Variants in PTPDC1 observed in about 807,000 individuals in gnomAD.
PTPDC1 encodes the protein protein tyrosine phosphatase domain-containing protein 1.
A neutral mutation model predicts 75.3 loss-of-function variants in PTPDC1; 53 were observed. The ratio of observed to expected loss-of-function variants is 0.70; its 90% CI spans 0.56 to 0.88. The LOEUF (loss-of-function observed/expected upper bound fraction) is 0.88. PTPDC1 is among the 40% of genes least tolerant of loss of function. PTPDC1 has a pLI of 0.00. For missense variants in PTPDC1, 925 were observed against 998.6 expected (o/e 0.93, Z 0.99); for synonymous variants, 349 against 366.2 (o/e 0.95, Z 0.54).
chr9:94,038,310 T>G, intron 1 of PTPDC1: 1 of 693,818 alleles, frequency 1.4e-6, no homozygotes, highest in Non-Finnish European at 2.6e-6. Flanking sequence ...GAAAGAAAAA[T>G]GATAGCTTAT....
At chr9:94,080,831 G>A (rs1826852072), upstream of PTPDC1, among the ~76,000 whole-genome samples, 1 of 152,136 alleles carries the variant, frequency 6.6e-6, no homozygotes, top group African/African-American at 2.4e-5. Context: ...GAGGAATAGA[G>A]GGCAAGTAGT....
intron 1 of PTPDC1, among the ~76,000 whole-genome samples, chr9:94,033,715 TATG>T (rs1410355821): frequency 6.6e-6 from 1 of 152,234 alleles, no homozygotes; most frequent in African/African-American, 2.4e-5. Flanking sequence ...AGAGCAAATT[TATG>T]AGTTCCTATC....
chr9:94,035,877 G>A (rs1825247685), intron 1 of PTPDC1, among the ~76,000 whole-genome samples: 1 of 152,080 alleles, frequency 6.6e-6, no homozygotes, highest in Admixed American at 6.6e-5. Context: ...TAACAGGTGT[G>A]AGGTGATATC....
At chr9:94,081,099 C>T (rs530209574), upstream of PTPDC1, among the ~76,000 whole-genome samples, 1 of 148,164 alleles carries the variant, frequency 6.7e-6, no homozygotes, top group African/African-American at 2.5e-5. Context: ...AAGCAATTCT[C>T]CTGCCTCAGC....
intron 6 of PTPDC1, 56 bp from the exon 7 acceptor site, chr9:94,101,510 C>T (rs1215523475): frequency 7.3e-7 from 1 of 1,375,000 alleles, no homozygotes; most frequent in Non-Finnish European, 1.0e-6. Context: ...GGTGCACCTC[C>T]CTCTCCTCTC....
intron 8 of PTPDC1, among the ~76,000 whole-genome samples, chr9:94,106,340 C>T (rs530333012): frequency 5.3e-5 from 8 of 152,306 alleles, no homozygotes; most frequent in African/African-American, 1.7e-4. Flanking sequence ...AGAAGGCACA[C>T]GTTCTGACTT....
intron 1 of PTPDC1, among the ~76,000 whole-genome samples, chr9:94,039,503 C>T (rs1825368511): frequency 6.6e-6 from 1 of 151,952 alleles, no homozygotes; most frequent in Admixed American, 6.6e-5. Flanking sequence ...TAGAAAATAC[C>T]AATAAGGGTC....
chr9:94,088,022 G>A, intron 3 of PTPDC1, 111 bp downstream of exon 3: 1 of 1,432,210 alleles, frequency 7.0e-7, no homozygotes, highest in African/African-American at 1.4e-5. Flanking sequence ...GCAGTGAAGA[G>A]TGTATTTCAA....
chr9:94,046,504 A>C (rs926237609), intron 1 of PTPDC1, among the ~76,000 whole-genome samples: 2 of 152,008 alleles, frequency 1.3e-5, no homozygotes, highest in Non-Finnish European at 2.9e-5. Context: ...ATTTGTTTGT[A>C]TCCTCTTTTA....
intron 1 of PTPDC1, among the ~76,000 whole-genome samples, chr9:94,034,231 C>T (rs1164323650): frequency 6.6e-6 from 1 of 152,046 alleles, no homozygotes; most frequent in Non-Finnish European, 1.5e-5. Context: ...TAGGCTGTGT[C>T]AGAAAATGGG....
intron 4 of PTPDC1, among the ~76,000 whole-genome samples, chr9:94,094,080 T>C (rs1021115787): frequency 6.6e-6 from 1 of 152,242 alleles, no homozygotes; most frequent in African/African-American, 2.4e-5. Flanking sequence ...TTCTCTCAGC[T>C]TGTCAAAGTC....
At chr9:94,095,530 T>C in intron 5 of PTPDC1, 76 bp downstream of exon 5, 1 of 1,216,314 alleles carries the variant, frequency 8.2e-7, no homozygotes, top group South Asian at 1.4e-5. Flanking sequence ...AATTTGAGGG[T>C]AAATGTTTCT....
At chr9:94,046,614 A>C (rs1338153002) in intron 1 of PTPDC1, among the ~76,000 whole-genome samples, 5 of 152,138 alleles carry the variant, frequency 3.3e-5, no homozygotes, top group African/African-American at 1.2e-4. Flanking sequence ...GCAGTTGTGA[A>C]TGGGAGTTCA....
At chr9:94,076,012 T>TG (rs1826673091) in intron 2 of PTPDC1, among the ~76,000 whole-genome samples, 1 of 152,120 alleles carries the variant, frequency 6.6e-6, no homozygotes, top group Admixed American at 6.6e-5. Flanking sequence ...TTTGTTTGTT[T>TG]TTTTGAGACG....
At chr9:94,045,354 T>C (rs57992049) in intron 1 of PTPDC1, among the ~76,000 whole-genome samples, 5,935 of 152,240 alleles carry the variant, frequency 0.039, 367 homozygotes, top group African/African-American at 0.13. Flanking sequence ...TTTGGATATA[T>C]ACCCAGTAAT....
At chr9:94,035,586 A>G (rs947834709) in intron 1 of PTPDC1, among the ~76,000 whole-genome samples, 6 of 152,210 alleles carry the variant, frequency 3.9e-5, no homozygotes, top group Non-Finnish European at 8.8e-5. Flanking sequence ...ATCTGTTGAT[A>G]GACACTTAGT....
intron 2 of PTPDC1, among the ~76,000 whole-genome samples, chr9:94,072,082 A>G (rs1379075113): frequency 6.6e-6 from 1 of 152,152 alleles, no homozygotes; most frequent in African/African-American, 2.4e-5. Flanking sequence ...AACTCAGCTC[A>G]CTGTAACCTC....
At chr9:94,047,787 C>T (rs991251743) in intron 1 of PTPDC1, among the ~76,000 whole-genome samples, 11 of 152,178 alleles carry the variant, frequency 7.2e-5, no homozygotes, top group Non-Finnish European at 1.6e-4. Context: ...ATACTATAAA[C>T]ACCTCTATGC....
Position 94,097,651 on chromosome 9 carries a change from A to C in PTPDC1, c.1085A>C (p.Lys362Thr). The C allele has an allele frequency of 1.9e-6, 3 of 1,614,124 alleles. No individual in the cohort carries two copies. The highest frequency in any genetic ancestry group is 1.1e-5 in the South Asian group (1 of 91,078). Residue 362 changes from lysine to threonine, a missense_variant, in exon 6 of 9, where the codon AAG (lysine) becomes ACG (threonine). By Grantham distance (78) the Lys-to-Thr change is moderately conservative (BLOSUM62 -1). Transcript: ENST00000620992. ...DLAENRPVMM[K>T]DVSEGPGLSA... is the part of the protein sequence containing the mutation. ...GCGGAGAACAGGCCAGTGATGATGA[A>C]GGATGTGTCCGAAGGACCTGGTCTC...
Sources: allele counts gnomAD v4.1 joint callset (sites outside exome capture counted in the v4.1 genomes callset), GRCh38; gene constraint gnomAD v4.1.1; transcripts MANE v1.5; gene names NCBI Gene and HGNC (gene_info 2026-07-23, HGNC 2026-07-21).